The following SATB2 variants were observed in gnomAD, a reference collection of about 807,000 sequenced individuals.
The protein encoded by SATB2 is SATB homeobox 2.
SATB2 carries 1 observed loss-of-function variant against 73.4 expected under a neutral mutation model. The ratio of observed to expected loss-of-function variants is 0.01; its 90% CI spans 0.00 to 0.06. The LOEUF (loss-of-function observed/expected upper bound fraction) is 0.06, where lower values mean the gene tolerates loss of function less well. SATB2 is among the 10% of genes least tolerant of loss of function. SATB2 has a pLI of 1.00. For missense variants in SATB2, 459 were observed against 945.8 expected (o/e 0.49, Z 6.75); for synonymous variants, 397 against 367.0 (o/e 1.08, Z -0.93).
At chr2:199,431,200 G>A (rs759243113) in intron 3 of SATB2, among the ~76,000 whole-genome samples, 9 of 152,024 alleles carry the variant, frequency 5.9e-5, no homozygotes, top group East Asian at 1.9e-4. Flanking sequence ...TTTTTCACAC[G>A]CTGCTGTTTA....
chr2:199,387,817 G>A (rs1011593793), intron 3 of SATB2, among the ~76,000 whole-genome samples: 1 of 152,168 alleles, frequency 6.6e-6, no homozygotes, highest in African/African-American at 2.4e-5. Context: ...TATAAAATTA[G>A]ATTGGGAATG....
At chr2:199,331,137 C>T (rs1256909492) in intron 7 of SATB2, among the ~76,000 whole-genome samples, 1 of 151,548 alleles carries the variant, frequency 6.6e-6, no homozygotes, top group East Asian at 1.9e-4. Flanking sequence ...TTCTAATGGA[C>T]CATGGCTCAA....
intron 7 of SATB2, chr2:199,348,356 C>G (rs905537471): frequency 5.2e-6 from 1 of 192,694 alleles, no homozygotes; most frequent in South Asian, 1.2e-4. Context: ...TAAAAAATGG[C>G]AAGAGACTGA....
chr2:199,437,368 T>C (rs1691682549), intron 2 of SATB2, among the ~76,000 whole-genome samples: 1 of 152,226 alleles, frequency 6.6e-6, no homozygotes. Context: ...CTCTCTACAC[T>C]AGAAAAATGC....
intron 9 of SATB2, among the ~76,000 whole-genome samples, chr2:199,317,972 C>T (rs1687780517): frequency 6.6e-6 from 1 of 151,876 alleles, no homozygotes; most frequent in Non-Finnish European, 1.5e-5. Context: ...GGAACACCAC[C>T]CCTAAATTTT....
intron 10 of SATB2, among the ~76,000 whole-genome samples, chr2:199,305,710 C>G (rs767783129): frequency 6.6e-6 from 1 of 152,112 alleles, no homozygotes; most frequent in Non-Finnish European, 1.5e-5. Context: ...GCAAAGCTCC[C>G]TCTTTTTATT....
intron 8 of SATB2, among the ~76,000 whole-genome samples, chr2:199,328,460 G>A (rs776321550): frequency 6.6e-6 from 1 of 152,042 alleles, no homozygotes; most frequent in Admixed American, 6.6e-5. Context: ...AGAATTCCTT[G>A]AACCCAGGAG....
rs1244734371 is a variant in SATB2 at position 199,455,833 on chromosome 2, C to T, written c.169+36G>A. The T allele has an allele frequency of 1.3e-6, 2 of 1,533,440 alleles. No individual in the cohort carries two copies. Among genetic ancestry groups the T allele is most frequent in the Non-Finnish European group, 1.7e-6 (2 of 1,145,814 alleles). 95.0% of individuals were successfully genotyped at this position (1,533,440 alleles called of 1,614,324 possible). A position where few individuals can be genotyped will look rare whatever the true frequency, so the allele number is the denominator to read the frequency against. On this transcript the variant is annotated intron_variant, in intron 2 of 10. Coordinates refer to ENST00000417098, the MANE Select transcript of SATB2 (RefSeq NM_001172509.2). This position sits in a 1 kb window ranked among gnomAD's most constrained non-coding sequence, Gnocchi z 4.1. ...TGACACCCGGGCCATTATCACTGGG[C>T]CGCGGGCTGCGCGCCTCCCTGCTCC... is the stretch of plus-strand genomic sequence containing the variant.
upstream of SATB2, among the ~76,000 whole-genome samples, chr2:199,465,529 A>C (rs1466192761): frequency 6.6e-6 from 1 of 152,158 alleles, no homozygotes; most frequent in Non-Finnish European, 1.5e-5. Context: ...CTTCTTGAAA[A>C]CCAGTTCTTA....
intron 5 of SATB2, among the ~76,000 whole-genome samples, chr2:199,372,294 G>A (rs969352062): frequency 2.6e-5 from 4 of 152,182 alleles, no homozygotes; most frequent in Admixed American, 1.3e-4. Flanking sequence ...AAATCAAACT[G>A]TATTAGAATT....
At chr2:199,322,862 G>A (rs1279479071) in intron 9 of SATB2, among the ~76,000 whole-genome samples, 1 of 152,094 alleles carries the variant, frequency 6.6e-6, no homozygotes, top group African/African-American at 2.4e-5. Flanking sequence ...ATTTGTTAGG[G>A]AGATGATCAA....
At chr2:199,317,659 A>C (rs2105781209) in intron 9 of SATB2, among the ~76,000 whole-genome samples, 1 of 152,196 alleles carries the variant, frequency 6.6e-6, no homozygotes, top group South Asian at 2.1e-4. Context: ...ATGAAACATT[A>C]ACATAATTAA....
At position 199,306,771 on chromosome 2, in the gene SATB2, A is replaced by C. The variant is rs946580063; in HGVS notation, c.1740+1989T>G. Reference sequence around the variant, plus strand: ...TAAATACAGGGCCCAACGAGATGATAATTAATGGACAAAAAACAGACAGGC... The same window carrying C: ...TAAATACAGGGCCCAACGAGATGATCATTAATGGACAAAAAACAGACAGGC... On this transcript the variant is annotated intron_variant, in intron 10 of 10. Transcript: ENST00000417098. 2.0e-5 allele frequency among the ~76,000 whole-genome samples: 3 copies of C among 152,034 alleles called. 1 individual carries two copies. Among genetic ancestry groups the C allele is most frequent in the Admixed American group, 1.3e-4 (2 of 15,272 alleles).
chr2:199,272,477 G>A lies in SATB2; in HGVS notation c.1936C>T (p.His646Tyr). ...AGATCCAGCTGAGCCGAAAGAGTGT[G>A]GATGGCTTCCTGGTCTGGGTACAGG... Reference protein sequence around the residue: ...VGLYPDQEAIHTLSAQLDLPK... With the variant: ...VGLYPDQEAIYTLSAQLDLPK... The change falls in exon 11 of 11, where the codon CAC becomes TAC. Residue 646 changes from histidine to tyrosine, a missense_variant. This residue lies in a region of SATB2 where 7 missense variants were observed against 59.4 expected (regional missense o/e 0.12). Transcript: ENST00000417098. The surrounding 1 kb of genome is among the most constrained non-coding windows in gnomAD (Gnocchi z 6.7). 1.2e-6 allele frequency: 2 copies of A among 1,614,154 alleles called. No homozygotes were observed. Among genetic ancestry groups the A allele is most frequent in the Non-Finnish European group, 1.7e-6 (2 of 1,180,016 alleles).
upstream of SATB2, chr2:199,460,012 G>C (rs1217001142): frequency 6.6e-6 from 1 of 152,204 alleles, no homozygotes; most frequent in Non-Finnish European, 1.5e-5. The surrounding 1 kb of genome is among the most constrained non-coding windows in gnomAD (Gnocchi z 4.0). Flanking sequence ...AAGTTCCAAA[G>C]AAGTCCGAGG....
chr2:199,353,116 C>T lies in SATB2; in HGVS notation c.701-3943G>A, dbSNP rs1041728662. ...CATCTACAATGACCAAGGCAGAACA[C>T]GATTTCAGAAACCATTTACACACGT... is the stretch of plus-strand genomic sequence containing the variant. On this transcript the variant is annotated intron_variant, in intron 6 of 10. Transcript: ENST00000417098. 4.7e-5 allele frequency among the ~76,000 whole-genome samples: 7 copies of T among 148,452 alleles called. No individual in the cohort carries two copies. The East Asian group carries it at 1.2e-3, about 25-fold the overall frequency.
intron 3 of SATB2, among the ~76,000 whole-genome samples, chr2:199,433,032 A>G (rs1314101429): frequency 2.0e-5 from 3 of 152,218 alleles, no homozygotes; most frequent in Non-Finnish European, 4.4e-5. Flanking sequence ...ATAAGTTTGG[A>G]TAAGTCAGGA....
At position 199,433,452 on chromosome 2, in the gene SATB2, T is replaced by G. The variant is rs925166352; in HGVS notation, c.232A>C (p.Arg78=). Residue 78 remains arginine, a synonymous_variant, in exon 3 of 11, where the codon AGA becomes CGA. Transcript: ENST00000417098. The part of the protein sequence containing the change: ...QLDGSLEYDN[R]EEHAEFVLVR... ...AGGACAAACTCGGCGTGTTCTTCTC[T>G]GTTGTCATATTCAAGAGAGCCGTCC... is the stretch of plus-strand genomic sequence containing the variant. The G allele has an allele frequency of 6.2e-7, 1 of 1,614,104 alleles. No homozygotes were observed. Among genetic ancestry groups the G allele is most frequent in the East Asian group, 2.2e-5 (1 of 44,876 alleles).
At chr2:199,369,239 A>G (rs1450372049) in intron 5 of SATB2, among the ~76,000 whole-genome samples, 1 of 152,178 alleles carries the variant, frequency 6.6e-6, no homozygotes, top group Non-Finnish European at 1.5e-5. Flanking sequence ...GCTATTTTAG[A>G]GCAGGGGAAA....
Sources: allele counts gnomAD v4.1 joint callset (sites outside exome capture counted in the v4.1 genomes callset), GRCh38; gene constraint gnomAD v4.1.1; regional missense constraint gnomAD v4.1.1; non-coding constraint Gnocchi (gnomAD v3.1); transcripts MANE v1.5; gene names NCBI Gene and HGNC (gene_info 2026-07-23, HGNC 2026-07-21).